The following CCDC39 variants were observed in gnomAD, a reference collection of about 807,000 sequenced individuals.
CCDC39 encodes coiled-coil domain-containing protein 39.
In CCDC39, 113 loss-of-function variants were observed where a neutral mutation model predicts 121.0. That is an observed-to-expected ratio of 0.93 (90% CI 0.80 to 1.09). The LOEUF (loss-of-function observed/expected upper bound fraction) is 1.09, where lower values mean the gene tolerates loss of function less well. Among genes scored for constraint, CCDC39 ranks in the 50% least tolerant of loss-of-function variants. The probability of loss-of-function intolerance (pLI) is 0.00; values close to 1 mark genes in which losing one functional copy is unlikely to be tolerated. For missense variants in CCDC39, 1,063 were observed against 1,074.7 expected (o/e 0.99, Z 0.15); for synonymous variants, 349 against 352.2 (o/e 0.99, Z 0.10).
intron 14 of CCDC39, among the ~76,000 whole-genome samples, chr3:180,627,845 T>C (rs1717600877): frequency 6.6e-6 from 1 of 152,204 alleles, no homozygotes; most frequent in Admixed American, 6.5e-5. Context: ...TAAGAAGATA[T>C]GTTGATATCC....
Position 180,661,932 on chromosome 3 carries a change from G to T in CCDC39, c.286C>A (p.Arg96=). 1 of 1,577,594 alleles carries T rather than the reference G, an allele frequency of 6.3e-7. No individual in the cohort carries two copies. The highest frequency in any genetic ancestry group is 1.2e-5 in the South Asian group (1 of 86,266). ...FKAIAQRELG[R]VKDEIQRLEN... is the part of the protein sequence containing the mutation. ...AGCCGTTGAATTTCATCTTTCACTC[G>T]TCCCAATTCTCTTTGAGCAATGGCC... is the stretch of plus-strand genomic sequence containing the variant. Residue 96 remains arginine, a synonymous_variant, in exon 3 of 20, where the codon CGA becomes AGA. Transcript: ENST00000476379.
intron 13 of CCDC39, among the ~76,000 whole-genome samples, chr3:180,636,838 G>A (rs1473540705): frequency 1.4e-5 from 2 of 146,932 alleles, no homozygotes; most frequent in African/African-American, 5.0e-5. Flanking sequence ...GAATGGACTC[G>A]CTATTCAATA....
intron 14 of CCDC39, among the ~76,000 whole-genome samples, chr3:180,630,274 T>C (rs1717663595): frequency 6.6e-6 from 1 of 152,110 alleles, no homozygotes; most frequent in Non-Finnish European, 1.5e-5. Context: ...TTTTAAAACC[T>C]GAGAGGAGAA....
In CCDC39 at chr3:180,616,325, A is replaced by T; in HGVS notation, c.2625T>A (p.Ser875Arg). 1 of 1,613,322 alleles carries T rather than the reference A, an allele frequency of 6.2e-7. No individual in the cohort carries two copies. Among genetic ancestry groups the T allele is most frequent in the African/African-American group, 1.3e-5 (1 of 74,984 alleles). The change falls in exon 19 of 20, where the codon AGT becomes AGA. Residue 875 changes from serine (S) to arginine (R), a missense_variant. By Grantham distance (110) the Ser-to-Arg change is moderately radical. Transcript: ENST00000476379. The part of the protein sequence containing the change: ...LELPTASTKG[S>R]RQSSRSPSHT... ...GTGAAGGAGATCTAGAGCTCTGACG[A>T]CTGCCTTTTGTGCTAGCTGTAGGTA...
intron 13 of CCDC39, among the ~76,000 whole-genome samples, chr3:180,640,296 G>A (rs1252889545): frequency 6.6e-6 from 1 of 152,012 alleles, no homozygotes; most frequent in Non-Finnish European, 1.5e-5. Flanking sequence ...AGAAAAAATG[G>A]CAATATTAAT....
chr3:180,619,614 G>A (rs549336352), intron 15 of CCDC39, among the ~76,000 whole-genome samples, 197 bp downstream of exon 15: 51 of 149,792 alleles, frequency 3.4e-4, no homozygotes, highest in Admixed American at 6.8e-4. Flanking sequence ...TACAGATCCT[G>A]AACTAATAAT....
chr3:180,619,297 T>G lies in CCDC39; in HGVS notation c.2227A>C (p.Lys743Gln). The G allele has an allele frequency of 6.5e-7, 1 of 1,547,008 alleles. No homozygotes were observed. Among genetic ancestry groups the G allele is most frequent in the South Asian group, 1.2e-5 (1 of 83,796 alleles). Reference protein sequence around the residue: ...KRAVDEKYRYKQRQIRELQED... With the variant: ...KRAVDEKYRYQQRQIRELQED... ...TGAAGTTCTCTGATTTGTCTTTGTT[T>G]GTATCTGTATTTTTCATCAACAGCT... Residue 743 changes from lysine to glutamine, a missense_variant, in exon 16 of 20, where the codon AAA (lysine) becomes CAA (glutamine). Transcript: ENST00000476379.
Position 180,635,642 on chromosome 3 carries a change from C to T in CCDC39, c.1875-4050G>A, listed in dbSNP as rs111612921. On this transcript the variant is annotated intron_variant, in intron 13 of 19. Coordinates refer to ENST00000476379, the MANE Select transcript of CCDC39 (RefSeq NM_181426.2). ...TAATCTCCTTTTACTCCATGTCTCA[C>T]ATCCAGGGCACACTGATACATGGGG... is the stretch of plus-strand genomic sequence containing the variant. 6.0e-3 allele frequency among the ~76,000 whole-genome samples: 917 copies of T among 152,284 alleles called. 16 individuals are homozygous for T. Among genetic ancestry groups the T allele is most frequent in the African/African-American group, 0.02 (830 of 41,552 alleles).
At chr3:180,636,422 AG>A (rs1291516474) in intron 13 of CCDC39, among the ~76,000 whole-genome samples, 1 of 151,550 alleles carries the variant, frequency 6.6e-6, no homozygotes, top group Non-Finnish European at 1.5e-5. Flanking sequence ...CTCTACAATG[AG>A]AATTACAAAA....
intron 7 of CCDC39, among the ~76,000 whole-genome samples, chr3:180,653,662 A>G (rs1711518592): frequency 6.6e-6 from 1 of 152,194 alleles, no homozygotes; most frequent in Admixed American, 6.5e-5. Flanking sequence ...ACAAAGCTGG[A>G]GGCAACATAC....
At chr3:180,662,462 A>T (rs1711764245) in intron 2 of CCDC39, among the ~76,000 whole-genome samples, 1 of 152,168 alleles carries the variant, frequency 6.6e-6, no homozygotes, top group East Asian at 1.9e-4. Flanking sequence ...ATATTAGCAT[A>T]TAATCACATC....
At chr3:180,621,419 A>G (rs763541717) in intron 14 of CCDC39, among the ~76,000 whole-genome samples, 12 of 152,030 alleles carry the variant, frequency 7.9e-5, no homozygotes, top group Non-Finnish European at 1.2e-4. Context: ...ATCCACACCA[A>G]CATCTCTTGT....
intron 14 of CCDC39, 28 bp from the exon 15 acceptor site, chr3:180,619,998 A>C (rs2108406684): frequency 6.5e-7 from 1 of 1,537,736 alleles, no homozygotes; most frequent in South Asian, 1.2e-5. Context: ...GAACTGGTTG[A>C]ATAAAAGCAT....
At chr3:180,617,321 A>G (rs1717282924) in intron 16 of CCDC39, 1 of 490,496 alleles carries the variant, frequency 2.0e-6, no homozygotes, top group Non-Finnish European at 3.6e-6. Flanking sequence ...TGATAGTGAT[A>G]ATAAAAGATA....
intron 1 of CCDC39, among the ~76,000 whole-genome samples, chr3:180,664,863 ATTT>A (rs11309193): frequency 2.1e-5 from 3 of 143,624 alleles, no homozygotes; most frequent in Admixed American, 7.0e-5. Flanking sequence ...CACCTGGCTA[ATTT>A]TTTTTTTTTT....
intron 17 of CCDC39, 21 bp from the exon 18 acceptor site, chr3:180,616,716 A>C: frequency 6.3e-7 from 1 of 1,579,086 alleles, no homozygotes; most frequent in Non-Finnish European, 8.6e-7. Context: ...ATAATAGTCA[A>C]TTATTCTATA....
At chr3:180,666,894 C>T (rs952303996) in intron 1 of CCDC39, among the ~76,000 whole-genome samples, 9 of 152,052 alleles carry the variant, frequency 5.9e-5, no homozygotes, top group South Asian at 2.1e-4. Context: ...CACACACACA[C>T]AATCAGATTG....
chr3:180,663,018 T>A (rs922330028), intron 2 of CCDC39, among the ~76,000 whole-genome samples: 10 of 152,222 alleles, frequency 6.6e-5, no homozygotes, highest in African/African-American at 2.2e-4. Context: ...TTGAACAGAT[T>A]ATGAAGCTTA....
intron 19 of CCDC39, among the ~76,000 whole-genome samples, chr3:180,615,616 T>A (rs1359814478): frequency 1.3e-5 from 2 of 152,054 alleles, no homozygotes; most frequent in East Asian, 3.9e-4. Flanking sequence ...AATGAAACAC[T>A]TTTTTTAGGG....
Sources: allele counts gnomAD v4.1 joint callset (sites outside exome capture counted in the v4.1 genomes callset), GRCh38; gene constraint gnomAD v4.1.1; transcripts MANE v1.5; gene names NCBI Gene and HGNC (gene_info 2026-07-23, HGNC 2026-07-21).